Variants in NRG1 observed in about 807,000 individuals in gnomAD.
The protein encoded by NRG1 is neuregulin 1, also known as pro-neuregulin-1, membrane-bound isoform.
A neutral mutation model predicts 63.8 loss-of-function variants in NRG1; 18 were observed. The ratio of observed to expected loss-of-function variants is 0.28; its 90% CI spans 0.19 to 0.42. NRG1 has a LOEUF of 0.42. Among genes scored for constraint, NRG1 ranks in the 10% least tolerant of loss-of-function variants. The probability of loss-of-function intolerance (pLI) is 1.00; values close to 1 mark genes in which losing one functional copy is unlikely to be tolerated. For missense variants in NRG1, 762 were observed against 814.7 expected (o/e 0.94, Z 0.79); for synonymous variants, 302 against 301.3 (o/e 1.00, Z -0.02).
chr8:32,014,919 G>A (rs527541812), intron 1 of NRG1, among the ~76,000 whole-genome samples: 1 of 152,122 alleles, frequency 6.6e-6, no homozygotes, highest in East Asian at 1.9e-4. Flanking sequence ...AGTGATCAAG[G>A]TGATCCAGCT....
chr8:31,866,395 A>G (rs1490219004), intron 1 of NRG1, among the ~76,000 whole-genome samples: 2 of 152,196 alleles, frequency 1.3e-5, no homozygotes, highest in African/African-American at 4.8e-5. Context: ...GGACAGAACC[A>G]AAAGCAGTTT....
chr8:32,615,795 C>T (rs527269046), intron 4 of NRG1, among the ~76,000 whole-genome samples: 5 of 150,766 alleles, frequency 3.3e-5, no homozygotes, highest in South Asian at 2.1e-4. Context: ...ATGTGTGTTG[C>T]GGAATGGTAT....
chr8:32,559,801 C>T (rs915597839), intron 1 of NRG1, among the ~76,000 whole-genome samples: 3 of 149,272 alleles, frequency 2.0e-5, no homozygotes, highest in African/African-American at 7.3e-5. Flanking sequence ...TCAAGACCAG[C>T]CTGGGCAACA....
At chr8:32,415,333 G>A (rs545044529) in intron 1 of NRG1, among the ~76,000 whole-genome samples, 10 of 148,356 alleles carry the variant, frequency 6.7e-5, no homozygotes, top group East Asian at 4.0e-4. Flanking sequence ...GCTTGAACCC[G>A]GAGGTGGAGG....
chr8:31,825,699 G>A lies in NRG1; in HGVS notation c.37+186268G>A, dbSNP rs1308352386. Among the ~76,000 whole-genome samples the A allele has an allele frequency of 2.0e-5, 3 of 152,222 alleles. 1 individual carries two copies. Among genetic ancestry groups the A allele is most frequent in the South Asian group, 2.1e-4 (1 of 4,820 alleles). On this transcript the variant is annotated intron_variant, in intron 1 of 10. Transcript: ENST00000519301. ...AGAGGAGAGAGAAAGAACAAAGCTT[G>A]GATGGCAAGTTAACTTAGGTCATCT... is the stretch of plus-strand genomic sequence containing the variant.
chr8:31,712,957 T>G lies in NRG1; in HGVS notation c.37+73526T>G, dbSNP rs186360197. On this transcript the variant is annotated intron_variant, in intron 1 of 10. Coordinates refer to the NRG1 transcript ENST00000519301. ...ATGAATCAATCAATCAATCAATCAA[T>G]CAGTCATCTCTCTGTCCATCCATCC... 8.6e-5 allele frequency among the ~76,000 whole-genome samples: 13 copies of G among 151,578 alleles called. 1 individual carries two copies. In the East Asian group the frequency reaches 2.3e-3, roughly 27 times the overall value.
rs547893092 is a variant in NRG1, at chr8:32,378,036, T to C, written c.38-217792T>C. On this transcript the variant is annotated intron_variant, in intron 1 of 10. Coordinates refer to the NRG1 transcript ENST00000519301. ...GATGAACACAAAAGTAGAGTGGGAA[T>C]GCAGATGAAAGGCTCTGTGCCCACC... Among the ~76,000 whole-genome samples the C allele has an allele frequency of 8.5e-5, 13 of 152,274 alleles. No homozygotes were observed. The East Asian group carries it at 2.5e-3, about 29-fold the overall frequency.
At chr8:32,753,410 T>C (rs1330336758) in intron 7 of NRG1, among the ~76,000 whole-genome samples, 1 of 152,218 alleles carries the variant, frequency 6.6e-6, no homozygotes, top group African/African-American at 2.4e-5. Flanking sequence ...ACTGATCGCA[T>C]TTTGGGTGCA....
In NRG1 at chr8:31,785,534, G is replaced by C. The variant is rs553637929; in HGVS notation, c.37+146103G>C. Among the ~76,000 whole-genome samples the C allele has an allele frequency of 3.7e-4, 57 of 152,242 alleles. 1 individual carries two copies. Among genetic ancestry groups the C allele is most frequent in the African/African-American group, 1.2e-3 (50 of 41,558 alleles). On this transcript the variant is annotated intron_variant, in intron 1 of 10. Transcript: ENST00000519301. ...TTTTCTCACTCTTTATTGAGATATA[G>C]CTTCTCAAATGTAAAGCATGATTTG... is the stretch of plus-strand genomic sequence containing the variant.
chr8:32,503,652 C>T (rs1828152281), intron 1 of NRG1, among the ~76,000 whole-genome samples: 1 of 152,152 alleles, frequency 6.6e-6, no homozygotes, highest in Admixed American at 6.6e-5. Context: ...AGACGTAACT[C>T]TCTTTAATTA....
chr8:32,072,241 T>A (rs1825855156), intron 1 of NRG1, among the ~76,000 whole-genome samples: 1 of 142,210 alleles, frequency 7.0e-6, no homozygotes, highest in Non-Finnish European at 1.5e-5. Context: ...AGAGAACCAC[T>A]CTAACTTCTA....
chr8:32,632,350 C>T (rs2439274), intron 5 of NRG1, among the ~76,000 whole-genome samples: 24,907 of 151,772 alleles, frequency 0.16, 2,071 homozygotes, highest in African/African-American at 0.2. Flanking sequence ...GTCAGGAGTT[C>T]GAGACCAGCC....
At chr8:32,101,012 T>G (rs970115654) in intron 1 of NRG1, among the ~76,000 whole-genome samples, 1 of 127,792 alleles carries the variant, frequency 7.8e-6, no homozygotes. Context: ...GTGCCAAAAT[T>G]TGTATTTATT....
chr8:31,865,665 T>A (rs972241177), intron 1 of NRG1, among the ~76,000 whole-genome samples: 1 of 152,128 alleles, frequency 6.6e-6, no homozygotes, highest in African/African-American at 2.4e-5. Flanking sequence ...TGAAGAAAGA[T>A]GTGTTTGCTC....
chr8:32,623,165 A>G (rs1848637273), intron 5 of NRG1, among the ~76,000 whole-genome samples: 1 of 152,230 alleles, frequency 6.6e-6, no homozygotes, highest in African/African-American at 2.4e-5. Flanking sequence ...TTTCTGTCAT[A>G]ATGAGATAGA....
chr8:32,734,251 T>C (rs1050410014), intron 6 of NRG1, among the ~76,000 whole-genome samples: 7 of 152,208 alleles, frequency 4.6e-5, no homozygotes, highest in African/African-American at 1.2e-4. Flanking sequence ...ATGCTGATGA[T>C]AGTAACTTTT....
chr8:32,558,869 C>T (rs1379996068), intron 1 of NRG1, among the ~76,000 whole-genome samples: 3 of 151,884 alleles, frequency 2.0e-5, no homozygotes, highest in African/African-American at 7.3e-5. Context: ...CTCTTGAACT[C>T]AGGGATTCAA....
At chr8:31,767,739 C>A (rs1172321162) in intron 1 of NRG1, among the ~76,000 whole-genome samples, 1 of 150,896 alleles carries the variant, frequency 6.6e-6, no homozygotes, top group Non-Finnish European at 1.5e-5. Flanking sequence ...ACTCAGGAGG[C>A]TAAGGCTGGA....
At chr8:32,026,866 TTAAAG>T (rs1242608123) in intron 1 of NRG1, among the ~76,000 whole-genome samples, 5 of 152,200 alleles carry the variant, frequency 3.3e-5, no homozygotes, top group African/African-American at 1.2e-4. Context: ...ATTTTTTTGT[TTAAAG>T]TATTCACTTT....
Sources: allele counts gnomAD v4.1 joint callset (sites outside exome capture counted in the v4.1 genomes callset), GRCh38; gene constraint gnomAD v4.1.1; transcripts MANE v1.5; gene names NCBI Gene and HGNC (gene_info 2026-07-23, HGNC 2026-07-21).